Variants in PHACTR4 observed in about 807,000 individuals in gnomAD.
PHACTR4 encodes phosphatase and actin regulator 4, also known as protein phosphatase 1, regulatory subunit 124.
In PHACTR4, 51 loss-of-function variants were observed where a neutral mutation model predicts 72.7. That is an observed-to-expected ratio of 0.70 (90% CI 0.56 to 0.89). The LOEUF (loss-of-function observed/expected upper bound fraction) is 0.89. Among genes scored for constraint, PHACTR4 ranks in the 40% least tolerant of loss-of-function variants. PHACTR4 has a pLI of 0.00. For missense variants in PHACTR4, 731 were observed against 861.8 expected (o/e 0.85, Z 1.90); for synonymous variants, 255 against 302.5 (o/e 0.84, Z 1.63).
At chr1:28,389,477 C>CTT (rs557958697) in intron 1 of PHACTR4, among the ~76,000 whole-genome samples, 8 of 129,802 alleles carry the variant, frequency 6.2e-5, no homozygotes, top group Admixed American at 2.3e-4. Flanking sequence ...TTGTATACTA[C>CTT]TTTTTTTTTT....
At chr1:28,462,052 G>T (rs1335545528) in intron 4 of PHACTR4, among the ~76,000 whole-genome samples, 1 of 151,226 alleles carries the variant, frequency 6.6e-6, no homozygotes, top group East Asian at 1.9e-4. Context: ...CTCTCTCCCA[G>T]GCTGGAGTGC....
chr1:28,387,116 C>T (rs1652616833), intron 1 of PHACTR4, among the ~76,000 whole-genome samples: 1 of 152,168 alleles, frequency 6.6e-6, no homozygotes, highest in East Asian at 1.9e-4. Context: ...CAAAAATTAG[C>T]TGGGCGTGGT....
In PHACTR4 at chr1:28,499,888, C is replaced by T. The variant is rs917437652; in HGVS notation, c.*3339C>T. 1 of 152,186 alleles carries T rather than the reference C, an allele frequency of 6.6e-6. No individual in the cohort carries two copies. Among genetic ancestry groups the T allele is most frequent in the Non-Finnish European group, 1.5e-5 (1 of 68,044 alleles). The allele number at this position is 152,186 out of a possible 1,614,324, so 9.4% of individuals were successfully genotyped here. A position where few individuals can be genotyped will look rare whatever the true frequency, so the allele number is the denominator to read the frequency against. On this transcript the variant is annotated 3_prime_UTR_variant, in exon 14 of 14. Transcript: ENST00000373839. ...CCACACAATAACTCTAACTTGACTT[C>T]TAACCATTCTATCTTATTGATTTGG...
intron 2 of PHACTR4, among the ~76,000 whole-genome samples, chr1:28,424,651 G>A (rs190767676): frequency 9.2e-5 from 14 of 151,838 alleles, no homozygotes; most frequent in African/African-American, 3.1e-4. Flanking sequence ...ACCACACTTG[G>A]CTTATTTTTT....
At chr1:28,384,501 G>T (rs1652419595) in intron 1 of PHACTR4, among the ~76,000 whole-genome samples, 1 of 152,058 alleles carries the variant, frequency 6.6e-6, no homozygotes, top group Non-Finnish European at 1.5e-5. Flanking sequence ...TGGGGTCAGT[G>T]GTAATAGCCC....
intron 2 of PHACTR4, chr1:28,432,996 G>A: frequency 1.2e-6 from 1 of 847,866 alleles, no homozygotes; most frequent in Non-Finnish European, 1.4e-6. Flanking sequence ...CCCCCGCTTG[G>A]CCTCCCAAAG....
At chr1:28,395,625 T>C (rs1653433760) in intron 1 of PHACTR4, among the ~76,000 whole-genome samples, 1 of 147,060 alleles carries the variant, frequency 6.8e-6, no homozygotes, top group Non-Finnish European at 1.5e-5. Context: ...AAACAAACTT[T>C]TCTTAAGCAT....
chr1:28,454,991 C>T (rs1658269007), intron 2 of PHACTR4, among the ~76,000 whole-genome samples: 1 of 151,916 alleles, frequency 6.6e-6, no homozygotes, highest in African/African-American at 2.4e-5. Context: ...TCCCAAGTAG[C>T]TGGGATTATA....
Position 28,425,167 on chromosome 1 carries a change from G to A in PHACTR4, c.16+17704G>A, listed in dbSNP as rs536150251. ...CAGAGTCTCACTGTCACCCAATCTG[G>A]AGTGCATTGGCACGATCTTCAGCTA... On this transcript the variant is annotated intron_variant, in intron 2 of 13. Coordinates refer to ENST00000373839, the MANE Select transcript of PHACTR4 (RefSeq NM_001048183.3). Among the ~76,000 whole-genome samples the A allele has an allele frequency of 4.0e-5, 6 of 151,744 alleles. No individual in the cohort carries two copies. In the South Asian group the frequency reaches 8.3e-4, roughly 21 times the overall value.
chr1:28,450,659 A>G (rs761575403), intron 2 of PHACTR4, among the ~76,000 whole-genome samples: 3 of 151,886 alleles, frequency 2.0e-5, no homozygotes, highest in African/African-American at 4.8e-5. Context: ...TCCCTCTGTC[A>G]CCCAGGTTGT....
At position 28,491,776 on chromosome 1, in the gene PHACTR4, C is replaced by A; in HGVS notation, c.2005C>A (p.Pro669Thr). ...CGACAAACCTTGGACCAAACTGACC[C>A]CTGCTGACAAGGTACCTGGAAAGCA... ...RADKPWTKLT[P>T]ADKAAIRKEL... Residue 669 changes from proline to threonine, a missense_variant, in exon 12 of 14, where the codon CCT (proline) becomes ACT (threonine). Coordinates refer to ENST00000373839, the MANE Select transcript of PHACTR4 (RefSeq NM_001048183.3). The A allele has an allele frequency of 1.2e-6, 2 of 1,613,232 alleles. No individual in the cohort carries two copies. The highest frequency in any genetic ancestry group is 1.7e-6 in the Non-Finnish European group (2 of 1,179,740).
chr1:28,450,618 G>T (rs1186179919), intron 2 of PHACTR4, among the ~76,000 whole-genome samples: 3 of 151,384 alleles, frequency 2.0e-5, no homozygotes, highest in Non-Finnish European at 2.9e-5. Context: ...GTTTTTTTTG[G>T]TTGTTTGTTT....
chr1:28,454,270 C>CTTTTT (rs945039969), intron 2 of PHACTR4, among the ~76,000 whole-genome samples: 75 of 95,072 alleles, frequency 7.9e-4, no homozygotes, highest in Middle Eastern at 8.5e-3. Context: ...ATCACTTTGT[C>CTTTTT]TTTTTTTTTT....
intron 12 of PHACTR4, among the ~76,000 whole-genome samples, chr1:28,492,718 C>T (rs1377241298): frequency 1.3e-5 from 2 of 152,170 alleles, no homozygotes; most frequent in African/African-American, 2.4e-5. Flanking sequence ...TGAGATTGCA[C>T]CACTGCACTC....
At chr1:28,460,181 T>A (rs1034026250) in intron 3 of PHACTR4, 31 bp from the exon 4 acceptor site, 20 of 1,507,618 alleles carry the variant, frequency 1.3e-5, no homozygotes, top group Non-Finnish European at 1.8e-5. Flanking sequence ...ACTGTCACAT[T>A]TCTGAGTGCC....
At chr1:28,468,472 AT>A (rs751572976) in intron 6 of PHACTR4, among the ~76,000 whole-genome samples, 1 of 152,092 alleles carries the variant, frequency 6.6e-6, no homozygotes, top group Non-Finnish European at 1.5e-5. Flanking sequence ...GGCACCTGTA[AT>A]CCCAGCTACT....
chr1:28,492,415 C>T (rs572590848), intron 12 of PHACTR4, among the ~76,000 whole-genome samples: 10 of 151,406 alleles, frequency 6.6e-5, no homozygotes, highest in African/African-American at 2.4e-4. Flanking sequence ...CCAGCCTGGG[C>T]AGCAGAGTGA....
At chr1:28,468,449 G>A (rs936801568) in intron 6 of PHACTR4, among the ~76,000 whole-genome samples, 5 of 151,980 alleles carry the variant, frequency 3.3e-5, no homozygotes, top group African/African-American at 1.2e-4. Context: ...AAAATTAGCC[G>A]GGCATGGTGG....
intron 2 of PHACTR4, among the ~76,000 whole-genome samples, chr1:28,448,463 G>T: frequency 6.6e-6 from 1 of 150,950 alleles, no homozygotes; most frequent in South Asian, 2.1e-4. Flanking sequence ...AAGGAAACCT[G>T]ATAAGGTGGC....
Sources: gnomAD v4.1 joint callset for allele counts (sites outside exome capture counted in the v4.1 genomes callset) on GRCh38, gnomAD v4.1.1 for gene constraint, MANE v1.5 for transcripts, NCBI Gene and HGNC (gene_info 2026-07-23, HGNC 2026-07-21) for gene names.